CPNE7: variants seen among roughly 807,000 people sequenced by gnomAD.
CPNE7 encodes copine 7.
Under a neutral mutation model 66.5 loss-of-function variants are expected in CPNE7, and 78 were observed. The observed-to-expected ratio is 1.17, with a 90% CI of 0.98 to 1.42. The LOEUF (loss-of-function observed/expected upper bound fraction) is 1.42. Ranked by LOEUF, CPNE7 falls within the 40% of genes most tolerant of loss-of-function variation. The probability of loss-of-function intolerance (pLI) is 0.00; values close to 1 mark genes in which losing one functional copy is unlikely to be tolerated. For synonymous variants in CPNE7, 468 were observed against 336.7 expected (o/e 1.39, Z -4.27); for missense variants, 1,012 against 776.6 (o/e 1.30, Z -3.60).
intron 10 of CPNE7, among the ~76,000 whole-genome samples, chr16:89,589,601 G>A (rs1363276347): frequency 6.6e-6 from 1 of 152,180 alleles, no homozygotes; most frequent in Non-Finnish European, 1.5e-5. Flanking sequence ...TGGCCCCACA[G>A]GACCCCTCCC....
intron 7 of CPNE7, among the ~76,000 whole-genome samples, 197 bp downstream of exon 7, chr16:89,585,982 T>C (rs1250009187): frequency 1.1e-5 from 1 of 94,098 alleles, no homozygotes; most frequent in East Asian, 3.8e-4. Flanking sequence ...TGGGGGGGCC[T>C]TTGGGGAGGT....
At chr16:89,585,816 G>A in intron 7 of CPNE7, 31 bp downstream of exon 7, 1 of 1,198,634 alleles carries the variant, frequency 8.3e-7, no homozygotes, top group South Asian at 1.4e-5. Context: ...GGTCCTCCAG[G>A]GAGGGTCAGG....
chr16:89,585,572 C>A lies in CPNE7; in HGVS notation c.681+19C>A. 1 of 1,601,164 alleles carries A rather than the reference C, an allele frequency of 6.2e-7. No homozygotes were observed. Among genetic ancestry groups the A allele is most frequent in the Non-Finnish European group, 8.5e-7 (1 of 1,171,966 alleles). On this transcript the variant is annotated intron_variant, in intron 6 of 14. Transcript: ENST00000319518. ...TCTAAAGGTGGGGGACGGGATGGAC[C>A]AAGGGGGCAGTGAGGGGGTGGCCTG...
rs753060922 is a variant in CPNE7, at chr16:89,591,280, G to T, written c.1302+20G>T. On this transcript the variant is annotated intron_variant, in intron 13 of 14. Coordinates refer to ENST00000319518, the MANE Select transcript of CPNE7 (RefSeq NM_153636.3). ...GCCTCTGTAGGTGCCCGGGGGGTGTGGTGCATGCTTGGTGTGGGGTCGGCT... is the reference window on the plus strand; with the variant it reads ...GCCTCTGTAGGTGCCCGGGGGGTGTTGTGCATGCTTGGTGTGGGGTCGGCT... 1.0e-5 allele frequency: 16 copies of T among 1,547,644 alleles called. No homozygotes were observed. The highest frequency in any genetic ancestry group is 1.4e-5 in the Non-Finnish European group (16 of 1,147,650).
Position 89,587,053 on chromosome 16 carries a change from T to C in CPNE7, c.878T>C (p.Val293Ala), listed in dbSNP as rs1391024874. The C allele has an allele frequency of 6.3e-7, 1 of 1,579,914 alleles. No homozygotes were observed. The highest frequency in any genetic ancestry group is 8.6e-7 in the Non-Finnish European group (1 of 1,162,830). Reference protein sequence around the residue: ...VVLADLKFHRVYSFLDYIMGG... With the variant: ...VVLADLKFHRAYSFLDYIMGG... ...TCCGCCGGCCGGAAGTTCCACAGGG[T>C]GTACTCCTTCCTGGACTATATCATG... Residue 293 changes from valine to alanine, a missense_variant, in exon 9 of 15, where the codon GTG becomes GCG. Coordinates refer to ENST00000319518, the MANE Select transcript of CPNE7 (RefSeq NM_153636.3).
At position 89,584,917 on chromosome 16, in the gene CPNE7, T is replaced by C; in HGVS notation, c.591+60T>C. On this transcript the variant is annotated intron_variant, in intron 5 of 14. Transcript: ENST00000319518. The surrounding 1 kb of genome is among the most constrained non-coding windows in gnomAD (Gnocchi z 6.0). ...AGGGGCTGTCCCCAGCCCTCACGCATCTCTGGCCACATGGGAGGAGCTCCC... is the reference window on the plus strand; with the variant it reads ...AGGGGCTGTCCCCAGCCCTCACGCACCTCTGGCCACATGGGAGGAGCTCCC... 1 of 1,457,300 alleles carries C rather than the reference T, an allele frequency of 6.9e-7. No individual in the cohort carries two copies. Among genetic ancestry groups the C allele is most frequent in the South Asian group, 1.2e-5 (1 of 86,746 alleles). The allele number at this position is 1,457,300 out of a possible 1,614,324, so 90.3% of individuals were successfully genotyped here.
At chr16:89,583,803 G>A (rs375506546) in intron 3 of CPNE7, 32 bp downstream of exon 3, 241 of 1,609,276 alleles carry the variant, frequency 1.5e-4, no homozygotes, top group Middle Eastern at 5.0e-4. Flanking sequence ...GCAGCCTGCA[G>A]GCCCTGCTGC....
chr16:89,587,722 C>CGTGTCACCCCCATGTCACCCG (rs1255029546), intron 9 of CPNE7: 1 of 119,566 alleles, frequency 8.4e-6, no homozygotes, highest in Non-Finnish European at 2.0e-5. Context: ...CATAGCACCC[C>CGTGTCACCCCCATGTCACCCG]CGTGTCACCC....
Position 89,596,766 on chromosome 16 carries a change from C to A in CPNE7, c.*145C>A. The A allele has an allele frequency of 9.2e-7, 1 of 1,089,404 alleles. No homozygotes were observed. The highest frequency in any genetic ancestry group is 1.2e-6 in the Non-Finnish European group (1 of 821,440). 67.5% of individuals were successfully genotyped at this position (1,089,404 alleles called of 1,614,324 possible). The stretch of plus-strand genomic sequence containing the variant: ...GCCCCACTCCCAGTCCTCCTGGGAT[C>A]CTGCTGGCTTGGGCCCGGCTCTGGG... On this transcript the variant is annotated 3_prime_UTR_variant, in exon 15 of 15. Transcript: ENST00000319518.
In CPNE7 at chr16:89,584,144, C is replaced by A. The variant is rs453982; in HGVS notation, c.507+42C>A. ...GGCACGCCTGGCTCAGGCTGAGGTC[C>A]GGGAACCGGTTCGAAAACCCGGTCC... On this transcript the variant is annotated intron_variant, in intron 4 of 14. Transcript: ENST00000319518. This position sits in a 1 kb window ranked among gnomAD's most constrained non-coding sequence, Gnocchi z 6.0. 1,114 of 1,583,018 alleles carry A rather than the reference C, an allele frequency of 7.0e-4. 2 individuals carry two copies. Among genetic ancestry groups the A allele is most frequent in the Non-Finnish European group, 9.2e-4 (1,070 of 1,164,982 alleles).
chr16:89,580,930 C>G (rs1389457954), intron 2 of CPNE7, among the ~76,000 whole-genome samples: 5 of 148,236 alleles, frequency 3.4e-5, no homozygotes, highest in African/African-American at 1.3e-4. Flanking sequence ...AACATCTCAC[C>G]CATCACACGG....
chr16:89,579,142 A>G, intron 2 of CPNE7: 1 of 558,644 alleles, frequency 1.8e-6, no homozygotes, highest in Non-Finnish European at 3.0e-6. Flanking sequence ...TAGAAAAGAA[A>G]TTAGCCAGGC....
At chr16:89,588,893 G>T (rs1418271542) in intron 10 of CPNE7, 85 bp downstream of exon 10, 1 of 1,550,584 alleles carries the variant, frequency 6.4e-7, no homozygotes, top group African/African-American at 1.4e-5. Context: ...TCACCCCCCT[G>T]GTCTCCAGGT....
At position 89,589,900 on chromosome 16, in the gene CPNE7, CAAG is replaced by C; in HGVS notation, c.1067_1069del (p.Lys356del). The C allele has an allele frequency of 6.2e-7, 1 of 1,613,804 alleles. No individual in the cohort carries two copies. Among genetic ancestry groups the C allele is most frequent in the Non-Finnish European group, 8.5e-7 (1 of 1,179,976 alleles). ...TGACCTCCTGCCTCTCTTCCAGTGA[CAAG>C]AGGTTTTCCGCTTTGGGGTTTGGAG... On this transcript the variant is annotated inframe_deletion, in exon 11 of 15. Transcript: ENST00000319518.
Position 89,585,444 on chromosome 16 carries a change from C to T in CPNE7, c.592-20C>T. ...CCAGGGCCCTGGGCCTCCCCTGAGC[C>T]AGCCCCTCCCGGCCCACAGGTGGTG... On this transcript the variant is annotated intron_variant, in intron 5 of 14. Transcript: ENST00000319518. 1 of 1,593,024 alleles carries T rather than the reference C, an allele frequency of 6.3e-7. No homozygotes were observed.
chr16:89,595,073 C>A (rs981690327), intron 13 of CPNE7, among the ~76,000 whole-genome samples: 1 of 152,082 alleles, frequency 6.6e-6, no homozygotes, highest in African/African-American at 2.4e-5. Context: ...CCCATCCAGG[C>A]ACTGTGAGCT....
intron 2 of CPNE7, among the ~76,000 whole-genome samples, chr16:89,582,484 C>T (rs1310683311): frequency 6.6e-6 from 1 of 152,166 alleles, no homozygotes; most frequent in Admixed American, 6.5e-5. Flanking sequence ...GGCCGGCAGG[C>T]GAGTCCCAGG....
intron 2 of CPNE7, among the ~76,000 whole-genome samples, chr16:89,581,201 A>G (rs2058953015): frequency 6.7e-6 from 1 of 149,694 alleles, no homozygotes; most frequent in Non-Finnish European, 1.5e-5. Context: ...GACACGGAAT[A>G]TCTGATCACC....
At chr16:89,586,479 G>A (rs2059040191) in intron 7 of CPNE7, among the ~76,000 whole-genome samples, 191 bp from the exon 8 acceptor site, 2 of 151,820 alleles carry the variant, frequency 1.3e-5, no homozygotes, top group South Asian at 4.1e-4. Flanking sequence ...GGTGGGGGAT[G>A]CAACTCCCAT....
Sources: gnomAD v4.1 joint callset for allele counts (sites outside exome capture counted in the v4.1 genomes callset) on GRCh38, gnomAD v4.1.1 for gene constraint, Gnocchi (gnomAD v3.1) non-coding constraint, MANE v1.5 for transcripts, NCBI Gene and HGNC (gene_info 2026-07-23, HGNC 2026-07-21) for gene names.